PBX4: variants seen among roughly 807,000 people sequenced by gnomAD.
The protein encoded by PBX4 is PBX homeobox 4.
PBX4 carries 26 observed loss-of-function variants against 35.1 expected under a neutral mutation model. The ratio of observed to expected loss-of-function variants is 0.74; its 90% CI spans 0.54 to 1.03. The LOEUF is 1.03. PBX4 is among the 50% of genes least tolerant of loss of function. The pLI is 0.00. For missense variants in PBX4, 448 were observed against 504.3 expected (o/e 0.89, Z 1.07); for synonymous variants, 199 against 204.2 (o/e 0.97, Z 0.22).
chr19:19,596,476 G>A (rs1203233580), intron 2 of PBX4, among the ~76,000 whole-genome samples: 1 of 152,182 alleles, frequency 6.6e-6, no homozygotes, highest in Non-Finnish European at 1.5e-5. Flanking sequence ...GCGCACGTGT[G>A]TGTGTGTACA....
At chr19:19,617,901 C>T (rs1341691462) in intron 1 of PBX4, among the ~76,000 whole-genome samples, 3 of 152,176 alleles carry the variant, frequency 2.0e-5, no homozygotes, top group East Asian at 3.9e-4. Flanking sequence ...CTCGGTGGCT[C>T]GCGCCTGTAA....
intron 2 of PBX4, among the ~76,000 whole-genome samples, chr19:19,589,388 T>A (rs150778066): frequency 6.6e-6 from 1 of 150,594 alleles, no homozygotes. Flanking sequence ...GAGCCGAGAT[T>A]GCACCACTGC....
intron 5 of PBX4, among the ~76,000 whole-genome samples, chr19:19,567,830 C>A (rs2061352394): frequency 6.6e-6 from 1 of 151,958 alleles, no homozygotes; most frequent in African/African-American, 2.4e-5. Context: ...CCACAGCATC[C>A]CCCAGGGAAC....
intron 2 of PBX4, among the ~76,000 whole-genome samples, chr19:19,595,127 T>C (rs1355042870): frequency 2.0e-5 from 3 of 152,236 alleles, no homozygotes; most frequent in Non-Finnish European, 4.4e-5. Flanking sequence ...GGCTGCTTCC[T>C]GGGGTCAGGG....
chr19:19,599,498 T>C, intron 1 of PBX4, 133 bp from the exon 2 acceptor site: 1 of 726,876 alleles, frequency 1.4e-6, no homozygotes. Context: ...AGTCGCCTTA[T>C]GAAAATGCAG....
At chr19:19,588,069 A>G (rs2061501869) in intron 2 of PBX4, 1 of 739,440 alleles carries the variant, frequency 1.4e-6, no homozygotes, top group South Asian at 1.5e-5. Context: ...GGCGGTGGGG[A>G]GGAAGGGGCC....
intron 2 of PBX4, among the ~76,000 whole-genome samples, chr19:19,594,894 G>A (rs910935547): frequency 6.6e-6 from 1 of 152,024 alleles, no homozygotes; most frequent in African/African-American, 2.4e-5. Context: ...GCTAATTTTT[G>A]TATTTTTAGT....
At position 19,570,139 on chromosome 19, in the gene PBX4, A is replaced by G. The variant is rs1200498335; in HGVS notation, c.602T>C (p.Met201Thr). 6.2e-7 allele frequency: 1 copy of G among 1,612,318 alleles called. No individual in the cohort carries two copies. The highest frequency in any genetic ancestry group is 1.7e-5 in the Admixed American group (1 of 59,832). ...ATCGAGCAGCCGCGAACGCAGGGTCATCACTGCCTCACAGGTGCTCTGCTT... is the reference window on the plus strand; with the variant it reads ...ATCGAGCAGCCGCGAACGCAGGGTCGTCACTGCCTCACAGGTGCTCTGCTT... ...QLKQSTCEAV[M>T]TLRSRLLDAR... Residue 201 changes from methionine (M) to threonine (T), a missense_variant, in exon 4 of 8, where the codon ATG becomes ACG. Transcript: ENST00000251203.
chr19:19,570,530 T>G (rs1290149368), intron 3 of PBX4, 56 bp downstream of exon 3: 2 of 1,595,000 alleles, frequency 1.3e-6, no homozygotes, highest in Non-Finnish European at 8.6e-7. Context: ...GTTCCGTGTT[T>G]CGCTTTGACA....
intron 1 of PBX4, among the ~76,000 whole-genome samples, chr19:19,611,603 CA>C (rs2061662918): frequency 6.7e-6 from 1 of 148,278 alleles, no homozygotes; most frequent in Non-Finnish European, 1.5e-5. Flanking sequence ...CACTTGAACC[CA>C]GGGGGCAGAG....
intron 2 of PBX4, among the ~76,000 whole-genome samples, chr19:19,581,876 G>C (rs570712800): frequency 1.3e-5 from 2 of 152,276 alleles, no homozygotes; most frequent in Admixed American, 6.5e-5. Flanking sequence ...GAATAGGTGG[G>C]GGCTTCCAAG....
chr19:19,600,226 T>C (rs1401872772), intron 1 of PBX4, among the ~76,000 whole-genome samples: 2 of 151,988 alleles, frequency 1.3e-5, no homozygotes, highest in Non-Finnish European at 2.9e-5. Context: ...ACAATGCAAA[T>C]AACTCATCAA....
intron 1 of PBX4, among the ~76,000 whole-genome samples, chr19:19,605,128 C>T (rs983690015): frequency 6.6e-6 from 1 of 150,794 alleles, no homozygotes; most frequent in African/African-American, 2.4e-5. Context: ...ATAAGAAATA[C>T]AAAAAACTGT....
chr19:19,612,854 T>G (rs2061669949), intron 1 of PBX4, among the ~76,000 whole-genome samples: 1 of 151,782 alleles, frequency 6.6e-6, no homozygotes, highest in South Asian at 2.1e-4. Flanking sequence ...TTTTTTTCTC[T>G]GTCATCCAGG....
intron 1 of PBX4, among the ~76,000 whole-genome samples, chr19:19,599,771 G>A (rs113662571): frequency 0.022 from 3,396 of 152,014 alleles, 132 homozygotes; most frequent in African/African-American, 0.078. Context: ...TCAGGAGTTC[G>A]AGACCAGCCT....
Position 19,576,423 on chromosome 19 carries a change from A to G in PBX4, c.194-5590T>C, listed in dbSNP as rs2061419870. On this transcript the variant is annotated intron_variant, in intron 2 of 7. Coordinates refer to ENST00000251203, the MANE Select transcript of PBX4 (RefSeq NM_025245.3). The stretch of plus-strand genomic sequence containing the variant: ...GTATATTTAGTAGAGACGGGGTTTC[A>G]CCATGTTGGCCAGGATGATCTCAAT... Among the ~76,000 whole-genome samples, 3 of 151,952 alleles carry G rather than the reference A, an allele frequency of 2.0e-5. No individual in the cohort carries two copies. The South Asian group carries it at 6.2e-4, about 32-fold the overall frequency.
chr19:19,603,718 A>T (rs566408982), intron 1 of PBX4, among the ~76,000 whole-genome samples: 8 of 152,280 alleles, frequency 5.3e-5, no homozygotes, highest in African/African-American at 1.7e-4. Context: ...GTACTTTGGG[A>T]GACTGATGTG....
At chr19:19,584,552 G>A (rs867172186) in intron 2 of PBX4, among the ~76,000 whole-genome samples, 3 of 151,816 alleles carry the variant, frequency 2.0e-5, no homozygotes, top group Non-Finnish European at 1.5e-5. Flanking sequence ...TGGATGTAAT[G>A]GACAACTTCC....
chr19:19,588,971 A>C (rs1193071439), intron 2 of PBX4, among the ~76,000 whole-genome samples: 1 of 152,110 alleles, frequency 6.6e-6, no homozygotes, highest in East Asian at 1.9e-4. Context: ...TCCCATCTCC[A>C]CAAAAAAATA....
Sources: allele counts gnomAD v4.1 joint callset (sites outside exome capture counted in the v4.1 genomes callset), GRCh38; gene constraint gnomAD v4.1.1; transcripts MANE v1.5; gene names NCBI Gene and HGNC (gene_info 2026-07-23, HGNC 2026-07-21).